MYMX: variants seen among roughly 807,000 people sequenced by gnomAD.
The protein encoded by MYMX is protein myomixer.
At chr6:44,208,377 C>T in the MYMX span, among the ~76,000 whole-genome samples, 4 of 152,096 alleles carry the variant, frequency 2.6e-5, no homozygotes, top group Non-Finnish European at 1.5e-5. Flanking sequence ...TCCCTTAATG[C>T]GATCAAAAAA....
upstream of MYMX, among the ~76,000 whole-genome samples, chr6:44,212,297 G>A (rs1775631420): frequency 6.6e-6 from 1 of 151,808 alleles, no homozygotes; most frequent in African/African-American, 2.4e-5. Context: ...CCCGGCTACT[G>A]GGAAGGCTGA....
chr6:44,206,228 T>TTTTTA, the MYMX span, among the ~76,000 whole-genome samples: 2 of 151,932 alleles, frequency 1.3e-5, no homozygotes, highest in Non-Finnish European at 2.9e-5. Context: ...ATTTACTTAT[T>TTTTTA]TTTTATTTTA....
In MYMX at chr6:44,217,727, G is replaced by T; in HGVS notation, c.*1G>T. 2.5e-6 allele frequency: 1 copy of T among 400,972 alleles called. No individual in the cohort carries two copies. Among genetic ancestry groups the T allele is most frequent in the Non-Finnish European group, 4.4e-6 (1 of 226,394 alleles). The allele number at this position is 400,972 out of a possible 1,614,324, so 24.8% of individuals were successfully genotyped here. A position where few individuals can be genotyped will look rare whatever the true frequency, so the allele number is the denominator to read the frequency against. Reference sequence around the variant, plus strand: ...GGAGAGGTTAGGCCCCCAAAAGTGAGGCCACAAGTCCTGGCAGCAGCTGTA... The same window carrying T: ...GGAGAGGTTAGGCCCCCAAAAGTGATGCCACAAGTCCTGGCAGCAGCTGTA... On this transcript the variant is annotated 3_prime_UTR_variant, in exon 2 of 2. Transcript: ENST00000573382.
the MYMX span, among the ~76,000 whole-genome samples, chr6:44,207,222 G>A: frequency 2.2e-3 from 327 of 152,072 alleles, no homozygotes; most frequent in African/African-American, 7.5e-3. Context: ...GCAGTGGTGC[G>A]ATCTCCGCTC....
chr6:44,207,414 C>T, the MYMX span, among the ~76,000 whole-genome samples: 1 of 152,226 alleles, frequency 6.6e-6, no homozygotes, highest in African/African-American at 2.4e-5. Context: ...GCTGGGATTA[C>T]AGGCATGAGC....
At chr6:44,202,672 T>C in the MYMX span, among the ~76,000 whole-genome samples, 1 of 152,066 alleles carries the variant, frequency 6.6e-6, no homozygotes, top group Non-Finnish European at 1.5e-5. Flanking sequence ...AGAAAATGTC[T>C]GGGGCAGGCA....
chr6:44,196,495 A>G, the MYMX span, among the ~76,000 whole-genome samples: 1 of 152,032 alleles, frequency 6.6e-6, no homozygotes, highest in Non-Finnish European at 1.5e-5. Flanking sequence ...CCTGGCCAAC[A>G]GGGTGAAAGC....
chr6:44,202,258 A>T, the MYMX span, among the ~76,000 whole-genome samples: 1 of 151,882 alleles, frequency 6.6e-6, no homozygotes, highest in Non-Finnish European at 1.5e-5. Context: ...GTTGGCACAC[A>T]ATGTATGTTG....
chr6:44,212,011 G>A (rs1177762612), upstream of MYMX, among the ~76,000 whole-genome samples: 1 of 152,030 alleles, frequency 6.6e-6, no homozygotes, highest in Non-Finnish European at 1.5e-5. Context: ...CCTGGGTTTA[G>A]GCAATCCTCC....
chr6:44,213,225 A>G (rs1485140681), upstream of MYMX, among the ~76,000 whole-genome samples: 4 of 151,348 alleles, frequency 2.6e-5, no homozygotes, highest in African/African-American at 9.7e-5. Context: ...CTACTTAAAA[A>G]CAATACAAAA....
At chr6:44,194,918 A>T in the MYMX span, among the ~76,000 whole-genome samples, 2 of 152,302 alleles carry the variant, frequency 1.3e-5, no homozygotes, top group East Asian at 3.9e-4. Context: ...AATACAGAGG[A>T]TAGCAAATAA....
the MYMX span, among the ~76,000 whole-genome samples, chr6:44,196,626 G>A: frequency 0.01 from 1,540 of 152,146 alleles, 20 homozygotes; most frequent in African/African-American, 0.034. Context: ...TTGCGTTACT[G>A]TACTCCAGCC....
chr6:44,209,312 A>G, the MYMX span, among the ~76,000 whole-genome samples: 1 of 152,138 alleles, frequency 6.6e-6, no homozygotes, highest in Admixed American at 6.6e-5. Flanking sequence ...ATCTCTGATA[A>G]CAGGCAAATA....
At chr6:44,199,418 G>A in the MYMX span, among the ~76,000 whole-genome samples, 3 of 151,988 alleles carry the variant, frequency 2.0e-5, no homozygotes, top group Middle Eastern at 3.4e-3. Context: ...GGCTGATCTC[G>A]AACTCCTCGG....
chr6:44,199,219 A>G, the MYMX span, among the ~76,000 whole-genome samples: 1 of 152,036 alleles, frequency 6.6e-6, no homozygotes, highest in Non-Finnish European at 1.5e-5. Context: ...TTTTAGAGAC[A>G]GGATCTCACT....
the MYMX span, among the ~76,000 whole-genome samples, chr6:44,205,202 G>A: frequency 6.6e-6 from 1 of 151,954 alleles, no homozygotes; most frequent in African/African-American, 2.4e-5. Flanking sequence ...ATGCCTTCAA[G>A]GAGGTCTGCA....
At chr6:44,213,358 C>T (rs907358931), upstream of MYMX, among the ~76,000 whole-genome samples, 7 of 149,476 alleles carry the variant, frequency 4.7e-5, no homozygotes, top group Non-Finnish European at 1.0e-4. Flanking sequence ...TGCACTCCAG[C>T]GTGGGCAACA....
the MYMX span, among the ~76,000 whole-genome samples, chr6:44,211,824 T>TGTGTGTGTGTGTG: frequency 7.9e-5 from 2 of 25,338 alleles, no homozygotes; most frequent in Non-Finnish European, 1.9e-4. Context: ...GTGTGTGTGT[T>TGTGTGTGTGTGTG]TAGTAGAGAA....
the MYMX span, among the ~76,000 whole-genome samples, chr6:44,197,914 T>C: frequency 7.2e-5 from 11 of 152,120 alleles, no homozygotes; most frequent in Non-Finnish European, 1.6e-4. Context: ...ATGTTACTTG[T>C]AATTGATACT....
Sources: gnomAD v4.1 joint callset for allele counts (sites outside exome capture counted in the v4.1 genomes callset) on GRCh38, gnomAD v4.1.1 for gene constraint, MANE v1.5 for transcripts, NCBI Gene and HGNC (gene_info 2026-07-23, HGNC 2026-07-21) for gene names.